Variants in ZNF385D observed in about 807,000 individuals in gnomAD.
ZNF385D encodes zinc finger protein 385D.
A neutral mutation model predicts 35.8 loss-of-function variants in ZNF385D; 15 were observed. The observed-to-expected ratio is 0.42, with a 90% CI of 0.28 to 0.64. The LOEUF (loss-of-function observed/expected upper bound fraction) is 0.64. ZNF385D is among the 30% of genes least tolerant of loss of function. The pLI is 0.23. For synonymous variants in ZNF385D, 212 were observed against 186.8 expected, an observed-to-expected ratio of 1.13 and a Z score of -1.10; for missense variants, 474 against 494.6, an observed-to-expected ratio of 0.96 and a Z score of 0.39.
Position 21,552,162 on chromosome 3 carries a change from G to A in ZNF385D, c.276+12412C>T, listed in dbSNP as rs75838282. Among the ~76,000 whole-genome samples the A allele has an allele frequency of 2.6e-5, 4 of 152,244 alleles. No homozygotes were observed. In the East Asian group the frequency reaches 7.7e-4, roughly 29 times the overall value. On this transcript the variant is annotated intron_variant, in intron 3 of 7. Coordinates refer to ENST00000281523, the MANE Select transcript of ZNF385D (RefSeq NM_024697.3). ...AGAAAGATAAATTCCAGATTTACCTGGAAACAACAAAAGGGCTGTCGCATT... is the reference window on the plus strand; with the variant it reads ...AGAAAGATAAATTCCAGATTTACCTAGAAACAACAAAAGGGCTGTCGCATT...
At chr3:21,952,888 G>T (rs1433807638) in intron 3 of ZNF385D, among the ~76,000 whole-genome samples, 1 of 151,884 alleles carries the variant, frequency 6.6e-6, no homozygotes, top group African/African-American at 2.4e-5. Flanking sequence ...AGGTAGAATT[G>T]CTAGTTACAC....
At chr3:21,884,571 A>T (rs1698444329) in intron 3 of ZNF385D, among the ~76,000 whole-genome samples, 1 of 152,078 alleles carries the variant, frequency 6.6e-6, no homozygotes, top group African/African-American at 2.4e-5. Context: ...ACATTAAAAA[A>T]TTAATTACAT....
intron 3 of ZNF385D, among the ~76,000 whole-genome samples, chr3:21,851,974 G>C (rs887649170): frequency 6.6e-6 from 1 of 151,946 alleles, no homozygotes; most frequent in Non-Finnish European, 1.5e-5. Context: ...ATTACTGTCT[G>C]ATATTGTTAC....
chr3:21,648,389 T>A (rs2065815617), intron 2 of ZNF385D, among the ~76,000 whole-genome samples: 2 of 152,160 alleles, frequency 1.3e-5, no homozygotes, highest in Non-Finnish European at 1.5e-5. Flanking sequence ...ATTAAACCTC[T>A]TTTCTTTATG....
chr3:22,182,874 AG>A (rs1695377167), intron 2 of ZNF385D, among the ~76,000 whole-genome samples: 1 of 152,120 alleles, frequency 6.6e-6, no homozygotes, highest in African/African-American at 2.4e-5. Flanking sequence ...AGGAGACTTT[AG>A]TAAATGTTTT....
rs556307249 is a variant in ZNF385D at position 22,143,317 on chromosome 3, C to G, written c.325+25500G>C. Among the ~76,000 whole-genome samples, 11 of 152,196 alleles carry G rather than the reference C, an allele frequency of 7.2e-5. No individual in the cohort carries two copies. The South Asian group carries it at 2.3e-3, about 32-fold the overall frequency. On this transcript the variant is annotated intron_variant, in intron 3 of 5. Coordinates refer to the ZNF385D transcript ENST00000494108. ...GCCAGGATGGTCTTGATCGCCTGAC[C>G]TCCTGATCTGCCCGCCTCGGCCTCC...
chr3:21,454,801 C>T (rs972314578), intron 4 of ZNF385D, among the ~76,000 whole-genome samples: 3 of 152,110 alleles, frequency 2.0e-5, no homozygotes, highest in Non-Finnish European at 1.5e-5. Flanking sequence ...GTCAAATTGT[C>T]CCTGTTTGCA....
At chr3:21,971,986 G>C (rs749693542) in intron 3 of ZNF385D, among the ~76,000 whole-genome samples, 5 of 151,818 alleles carry the variant, frequency 3.3e-5, no homozygotes, top group Non-Finnish European at 7.4e-5. Flanking sequence ...TATCAAGAGA[G>C]GTAGATCCCA....
chr3:21,763,016 GTACTCAACAAATGCTTGGTAGGATAAAAT>G (rs1473521581), intron 3 of ZNF385D, among the ~76,000 whole-genome samples: 1 of 152,038 alleles, frequency 6.6e-6, no homozygotes, highest in African/African-American at 2.4e-5. Context: ...CATTGAGTAG[GTACTCAACAAATGCTTGGTAGGATAAAAT>G]TAAGTCCCAA....
chr3:21,644,292 A>T (rs1004800541), intron 2 of ZNF385D, among the ~76,000 whole-genome samples: 3 of 152,168 alleles, frequency 2.0e-5, no homozygotes, highest in Non-Finnish European at 4.4e-5. Context: ...AAGCAAGATA[A>T]TTATTTACCC....
chr3:22,130,487 G>C (rs934881801), intron 3 of ZNF385D, among the ~76,000 whole-genome samples: 4 of 152,142 alleles, frequency 2.6e-5, no homozygotes, highest in African/African-American at 9.6e-5. Flanking sequence ...AACTGGGACG[G>C]ATGATTTCCC....
At chr3:21,682,190 T>C (rs1039092731) in intron 1 of ZNF385D, among the ~76,000 whole-genome samples, 3 of 152,164 alleles carry the variant, frequency 2.0e-5, no homozygotes, top group Non-Finnish European at 2.9e-5. Context: ...TCTTGGACAA[T>C]TGGCAGGTTG....
Position 21,988,346 on chromosome 3 carries a change from C to T in ZNF385D, c.325+180471G>A, listed in dbSNP as rs13073080. Reference sequence around the variant, plus strand: ...TGATGGTGATGTACAGATGGGTTTTCGGTGTGGATGTCCTTTCTGTTTGTT... The same window carrying T: ...TGATGGTGATGTACAGATGGGTTTTTGGTGTGGATGTCCTTTCTGTTTGTT... On this transcript the variant is annotated intron_variant, in intron 3 of 5. Coordinates refer to the ZNF385D transcript ENST00000494108. Among the ~76,000 whole-genome samples, 607 of 118,324 alleles carry T rather than the reference C, an allele frequency of 5.1e-3. 1 individual carries two copies. The highest frequency in any genetic ancestry group is 0.03 in the South Asian group (81 of 2,670). 77.6% of individuals were successfully genotyped at this position (118,324 alleles called of 152,430 possible).
intron 2 of ZNF385D, among the ~76,000 whole-genome samples, chr3:21,602,538 T>C (rs905308422): frequency 1.0e-5 from 1 of 96,246 alleles, no homozygotes; most frequent in Non-Finnish European, 2.2e-5. Flanking sequence ...TTTTTTTTTT[T>C]TTTTTGAGAC....
chr3:21,765,805 A>G (rs938317759), intron 3 of ZNF385D, among the ~76,000 whole-genome samples: 1 of 152,050 alleles, frequency 6.6e-6, no homozygotes, highest in African/African-American at 2.4e-5. Flanking sequence ...CATGTAGGCT[A>G]GGTAGGCTTT....
chr3:22,036,869 C>G (rs865839054), intron 3 of ZNF385D, among the ~76,000 whole-genome samples: 5 of 122,154 alleles, frequency 4.1e-5, no homozygotes, highest in Non-Finnish European at 6.8e-5. Context: ...CCCCTCCCCC[C>G]ACCCCACAAC....
intron 3 of ZNF385D, among the ~76,000 whole-genome samples, chr3:21,782,257 A>G (rs138326309): frequency 3.3e-5 from 5 of 152,242 alleles, no homozygotes; most frequent in Non-Finnish European, 5.9e-5. Flanking sequence ...AGTGCCGGCC[A>G]AGTGGAGGTC....
At chr3:21,912,230 G>A (rs1239912653) in intron 3 of ZNF385D, among the ~76,000 whole-genome samples, 1 of 151,748 alleles carries the variant, frequency 6.6e-6, no homozygotes, top group Non-Finnish European at 1.5e-5. Context: ...CCCTAAACTC[G>A]TTAAAATGGG....
chr3:22,335,839 G>T (rs1041400556), intron 2 of ZNF385D, among the ~76,000 whole-genome samples: 4 of 151,870 alleles, frequency 2.6e-5, no homozygotes, highest in African/African-American at 9.7e-5. Flanking sequence ...CCTTTATTAG[G>T]TAGTCTATAT....
Sources: gnomAD v4.1 joint callset for allele counts (sites outside exome capture counted in the v4.1 genomes callset) on GRCh38, gnomAD v4.1.1 for gene constraint, MANE v1.5 for transcripts, NCBI Gene and HGNC (gene_info 2026-07-23, HGNC 2026-07-21) for gene names.